The following TRPS1 variants were observed in gnomAD, a reference collection of about 807,000 sequenced individuals.
TRPS1 encodes transcriptional repressor GATA binding 1, also known as zinc finger transcription factor Trps1.
In TRPS1, 6 loss-of-function variants were observed where a neutral mutation model predicts 101.2. The ratio of observed to expected loss-of-function variants is 0.06; its 90% CI spans 0.03 to 0.12. The LOEUF (loss-of-function observed/expected upper bound fraction) is 0.12. TRPS1 is among the 10% of genes least tolerant of loss of function. The pLI, the probability that TRPS1 is intolerant of heterozygous loss-of-function variation, is 1.00. For missense variants in TRPS1, 1,363 were observed against 1,567.0 expected (o/e 0.87, Z 2.20); for synonymous variants, 578 against 589.8 (o/e 0.98, Z 0.29).
intron 5 of TRPS1, among the ~76,000 whole-genome samples, chr8:115,583,764 T>A (rs577369966): frequency 6.6e-6 from 1 of 152,006 alleles, no homozygotes; most frequent in Non-Finnish European, 1.5e-5. Flanking sequence ...CAGAGGCATA[T>A]GCAACTGAAA....
rs189924971 is a variant in TRPS1, at chr8:115,595,483, C to A, written c.2097-7879G>T. ...ATAATTATGTTGTTTACTCATCTTG[C>A]ATTTTTAAGTTGAAATAATCTGATT... On this transcript the variant is annotated intron_variant, in intron 4 of 6. Coordinates refer to ENST00000395715, the MANE Select transcript of TRPS1 (RefSeq NM_014112.5). Among the ~76,000 whole-genome samples the A allele has an allele frequency of 3.0e-4, 45 of 151,998 alleles. No homozygotes were observed. In the East Asian group the frequency reaches 8.5e-3, roughly 29 times the overall value.
At chr8:115,449,614 G>A (rs1042768388) in intron 5 of TRPS1, among the ~76,000 whole-genome samples, 3 of 152,176 alleles carry the variant, frequency 2.0e-5, no homozygotes, top group Admixed American at 1.3e-4. Flanking sequence ...GCTAGCTAGA[G>A]GTCTGTTGGC....
chr8:115,635,301 C>CATCATAT (rs1211196543), intron 1 of TRPS1, among the ~76,000 whole-genome samples: 3 of 151,934 alleles, frequency 2.0e-5, no homozygotes, highest in African/African-American at 4.8e-5. Flanking sequence ...TTTTTTTTCC[C>CATCATAT]CAGAAACCAA....
At chr8:115,445,993 C>T (rs973413130) in intron 5 of TRPS1, among the ~76,000 whole-genome samples, 10 of 151,988 alleles carry the variant, frequency 6.6e-5, no homozygotes, top group Non-Finnish European at 1.0e-4. Context: ...TCCTGTATAA[C>T]TCTTTTTTCC....
chr8:115,479,817 T>C (rs1489017532), intron 5 of TRPS1, among the ~76,000 whole-genome samples: 2 of 152,146 alleles, frequency 1.3e-5, no homozygotes, highest in African/African-American at 4.8e-5. Context: ...AATGACAACA[T>C]GACGTAAACC....
rs187749708 is a variant in TRPS1, at chr8:115,519,124, C to T, written c.2700+67877G>A. Among the ~76,000 whole-genome samples the T allele has an allele frequency of 7.9e-4, 120 of 151,314 alleles. No individual in the cohort carries two copies. In the East Asian group the frequency reaches 0.019, roughly 24 times the overall value. ...ACTTTTTTTTTGCCTGCTACTTTTT[C>T]GTTTTTCTTATTAACTTATAAGTAG... On this transcript the variant is annotated intron_variant, in intron 5 of 6. Transcript: ENST00000395715.
At chr8:115,628,854 A>C (rs1818572069) in intron 1 of TRPS1, among the ~76,000 whole-genome samples, 1 of 151,870 alleles carries the variant, frequency 6.6e-6, no homozygotes, top group Non-Finnish European at 1.5e-5. Context: ...AGAAAATGAA[A>C]GGAGATTCCT....
At chr8:115,621,864 C>A (rs1447802878) in intron 2 of TRPS1, among the ~76,000 whole-genome samples, 1 of 150,480 alleles carries the variant, frequency 6.6e-6, no homozygotes, top group Non-Finnish European at 1.5e-5. Flanking sequence ...TGCAGTGAGC[C>A]AAGATCATGC....
At chr8:115,600,238 C>A (rs1387561554) in intron 4 of TRPS1, among the ~76,000 whole-genome samples, 2 of 152,104 alleles carry the variant, frequency 1.3e-5, no homozygotes, top group Non-Finnish European at 2.9e-5. Flanking sequence ...ATTGAAAACT[C>A]CTGTATCTGA....
chr8:115,655,129 G>A lies in TRPS1; in HGVS notation c.-122+13416C>T, dbSNP rs542612296. Reference sequence around the variant, plus strand: ...TTTCTTGTTTGTAAAATAAGATCATGCTAGAATGGATAGTAGCTCAAGTCC... The same window carrying A: ...TTTCTTGTTTGTAAAATAAGATCATACTAGAATGGATAGTAGCTCAAGTCC... On this transcript the variant is annotated intron_variant, in intron 1 of 6. Coordinates refer to ENST00000395715, the MANE Select transcript of TRPS1 (RefSeq NM_014112.5). Among the ~76,000 whole-genome samples, 6 of 152,222 alleles carry A rather than the reference G, an allele frequency of 3.9e-5. No homozygotes were observed. In the South Asian group the frequency reaches 1.0e-3, roughly 26 times the overall value.
chr8:115,558,549 AT>A (rs1816877550), intron 5 of TRPS1, among the ~76,000 whole-genome samples: 1 of 152,204 alleles, frequency 6.6e-6, no homozygotes, highest in African/African-American at 2.4e-5. Flanking sequence ...GCTGCAAAGC[AT>A]TTTAGCAATT....
rs1812783582 is a variant in TRPS1, at chr8:115,411,279, T to C, written c.*2744A>G. On this transcript the variant is annotated 3_prime_UTR_variant, in exon 7 of 7. Transcript: ENST00000395715. ...GCTAGTCGTTACTACTATGTCTGTC[T>C]GAGAAAAAAAAAAAATTGAATGAAA... is the stretch of plus-strand genomic sequence containing the variant. 1 of 151,396 alleles carries C rather than the reference T, an allele frequency of 6.6e-6. No individual in the cohort carries two copies. The allele number at this position is 151,396 out of a possible 1,614,324, so 9.4% of individuals were successfully genotyped here.
chr8:115,591,267 C>T (rs1048154197), intron 4 of TRPS1, among the ~76,000 whole-genome samples: 1 of 152,196 alleles, frequency 6.6e-6, no homozygotes, highest in African/African-American at 2.4e-5. Flanking sequence ...TTGTTTAGAA[C>T]ATGGCATATC....
chr8:115,602,494 C>G (rs1179303834), intron 4 of TRPS1, among the ~76,000 whole-genome samples: 1 of 152,146 alleles, frequency 6.6e-6, no homozygotes, highest in African/African-American at 2.4e-5. Flanking sequence ...CCAGGGCTGA[C>G]CTTATAAATT....
At chr8:115,466,584 A>G (rs1332700494) in intron 5 of TRPS1, among the ~76,000 whole-genome samples, 1 of 152,172 alleles carries the variant, frequency 6.6e-6, no homozygotes, top group Non-Finnish European at 1.5e-5. Flanking sequence ...CACAAAGCCC[A>G]TTAAGACACA....
chr8:115,619,967 G>C lies in TRPS1; in HGVS notation c.131C>G (p.Ser44Cys). 6.2e-7 allele frequency: 1 copy of C among 1,614,112 alleles called. No homozygotes were observed. The highest frequency in any genetic ancestry group is 1.1e-5 in the South Asian group (1 of 91,084). ...LEPIGTESKV[S>C]GKNKEFSADQ... is the part of the protein sequence containing the mutation. The stretch of plus-strand genomic sequence containing the variant: ...TGCAGAAAATTCTTTGTTCTTTCCA[G>C]ATACCTTGCTTTCTGTACCTATAGG... Residue 44 changes from serine to cysteine, a missense_variant, in exon 3 of 7, where the codon TCT becomes TGT. Physicochemically the swap from Ser to Cys is moderately radical, Grantham distance 112 (BLOSUM62 -1). Around this residue, in one of 5 missense-constraint regions of TRPS1, gnomAD observed 1,020 missense variants for 1,073.0 expected, o/e 0.95. Coordinates refer to ENST00000395715, the MANE Select transcript of TRPS1 (RefSeq NM_014112.5).
At chr8:115,450,024 G>GA (rs1160490066) in intron 5 of TRPS1, among the ~76,000 whole-genome samples, 4 of 150,368 alleles carry the variant, frequency 2.7e-5, no homozygotes, top group Non-Finnish European at 5.9e-5. Context: ...CTTGGAAGAG[G>GA]AAAAAAGTGA....
chr8:115,446,794 T>C (rs957528503), intron 5 of TRPS1, among the ~76,000 whole-genome samples: 1 of 152,206 alleles, frequency 6.6e-6, no homozygotes, highest in Non-Finnish European at 1.5e-5. Context: ...CATTATTCAA[T>C]TGGAGTCACC....
At chr8:115,563,803 A>G (rs570332880) in intron 5 of TRPS1, among the ~76,000 whole-genome samples, 1 of 152,186 alleles carries the variant, frequency 6.6e-6, no homozygotes. Context: ...TGCAATGATA[A>G]TGGGTACTGC....
Sources: gnomAD v4.1 joint callset for allele counts (sites outside exome capture counted in the v4.1 genomes callset) on GRCh38, gnomAD v4.1.1 for gene constraint, gnomAD v4.1.1 regional missense constraint, MANE v1.5 for transcripts, NCBI Gene and HGNC (gene_info 2026-07-23, HGNC 2026-07-21) for gene names.